The following ZBTB2 variants were observed in gnomAD, a reference collection of about 807,000 sequenced individuals.
ZBTB2 encodes the protein zinc finger and BTB domain-containing protein 2.
Under a neutral mutation model 39.5 loss-of-function variants are expected in ZBTB2, and 2 were observed. The observed-to-expected ratio is 0.05, with a 90% CI of 0.02 to 0.16. The LOEUF (loss-of-function observed/expected upper bound fraction) is 0.16, where lower values mean the gene tolerates loss of function less well. ZBTB2 is among the 10% of genes least tolerant of loss of function. ZBTB2 has a pLI of 1.00. For synonymous variants in ZBTB2, 251 were observed against 256.6 expected (o/e 0.98, Z 0.21); for missense variants, 391 against 653.0 (o/e 0.60, Z 4.37).
intron 2 of ZBTB2, among the ~76,000 whole-genome samples, chr6:151,371,982 C>T (rs537409727): frequency 7.9e-4 from 120 of 152,274 alleles, no homozygotes; most frequent in Non-Finnish European, 1.5e-3. Context: ...AGGAGATACT[C>T]AACTCTAAAT....
In ZBTB2 at chr6:151,365,374, T is replaced by C. The variant is rs1778620868; in HGVS notation, c.*147A>G. 1.0e-5 allele frequency: 9 copies of C among 857,264 alleles called. No individual in the cohort carries two copies. In the East Asian group the frequency reaches 2.4e-4, roughly 22 times the overall value. 53.1% of individuals were successfully genotyped at this position (857,264 alleles called of 1,614,324 possible). A position where few individuals can be genotyped will look rare whatever the true frequency, so the allele number is the denominator to read the frequency against. On this transcript the variant is annotated 3_prime_UTR_variant, in exon 3 of 3. Transcript: ENST00000325144. This position sits in a 1 kb window ranked among gnomAD's most constrained non-coding sequence, Gnocchi z 5.6. ...ATAATGCACAAAGCCTTTACAGAGG[T>C]GGGGCTGGGATGTGGAAAAGGGGAA...
At chr6:151,376,513 T>C (rs955568693) in intron 1 of ZBTB2, among the ~76,000 whole-genome samples, 14 of 151,822 alleles carry the variant, frequency 9.2e-5, no homozygotes, top group Admixed American at 2.6e-4. Flanking sequence ...TAAAAAAAAA[T>C]CAAATCAGAA....
At chr6:151,382,069 G>C (rs1033431274) in intron 1 of ZBTB2, among the ~76,000 whole-genome samples, 37 of 152,098 alleles carry the variant, frequency 2.4e-4, no homozygotes, top group African/African-American at 8.5e-4. Context: ...TACAAACCTG[G>C]ACAGCATGTT....
chr6:151,388,216 C>G (rs1779204593), intron 1 of ZBTB2, among the ~76,000 whole-genome samples: 1 of 152,084 alleles, frequency 6.6e-6, no homozygotes, highest in Admixed American at 6.6e-5. Context: ...AAAAAAATTA[C>G]CAGCAAACCA....
At position 151,379,651 on chromosome 6, in the gene ZBTB2, A is replaced by G. The variant is rs548618005; in HGVS notation, c.-12-6002T>C. Reference sequence around the variant, plus strand: ...AGACCCTGTCTGAAAAAAAAAAAAAAAAAAAAAAAGAAAAAAAGAAATCTA... The same window carrying G: ...AGACCCTGTCTGAAAAAAAAAAAAAGAAAAAAAAAGAAAAAAAGAAATCTA... On this transcript the variant is annotated intron_variant, in intron 1 of 2. Transcript: ENST00000325144. 6.0e-3 allele frequency among the ~76,000 whole-genome samples: 904 copies of G among 151,202 alleles called. 4 individuals are homozygous for G. Among genetic ancestry groups the G allele is most frequent in the Non-Finnish European group, 0.011 (718 of 67,758 alleles).
chr6:151,379,506 G>T (rs931687452), intron 1 of ZBTB2, among the ~76,000 whole-genome samples: 1 of 151,748 alleles, frequency 6.6e-6, no homozygotes, highest in African/African-American at 2.4e-5. Context: ...GCCAGGGATG[G>T]TGGCACACAC....
chr6:151,374,839 G>A (rs146432563), intron 1 of ZBTB2, among the ~76,000 whole-genome samples: 1,944 of 141,494 alleles, frequency 0.014, 38 homozygotes, highest in African/African-American at 0.049. Flanking sequence ...GTTGGCTCAC[G>A]CCTGTAATCC....
intron 2 of ZBTB2, among the ~76,000 whole-genome samples, chr6:151,371,424 G>A (rs541883369): frequency 7.2e-4 from 109 of 152,298 alleles, no homozygotes; most frequent in African/African-American, 2.5e-3. Flanking sequence ...AGCCATAAGC[G>A]AGGACGTGGT....
intron 1 of ZBTB2, among the ~76,000 whole-genome samples, chr6:151,382,982 G>A (rs1012191743): frequency 6.7e-6 from 1 of 149,910 alleles, no homozygotes; most frequent in South Asian, 2.1e-4. Flanking sequence ...CTGGAGTGCA[G>A]TGGTGTGATC....
intron 1 of ZBTB2, among the ~76,000 whole-genome samples, chr6:151,389,485 C>T (rs969902673): frequency 6.6e-6 from 1 of 152,188 alleles, no homozygotes; most frequent in African/African-American, 2.4e-5. Context: ...ACAACTCGCC[C>T]TGGTGCTCCA....
At chr6:151,368,721 T>C (rs1398230118) in intron 2 of ZBTB2, among the ~76,000 whole-genome samples, 2 of 151,488 alleles carry the variant, frequency 1.3e-5, no homozygotes, top group Admixed American at 6.6e-5. Flanking sequence ...CCCAAAGTGA[T>C]GGGATTACAG....
chr6:151,367,878 T>C (rs1318393031), intron 2 of ZBTB2, among the ~76,000 whole-genome samples: 1 of 152,222 alleles, frequency 6.6e-6, no homozygotes, highest in Non-Finnish European at 1.5e-5. Context: ...CAAGCAGTAA[T>C]AATGAAGAGG....
chr6:151,379,963 C>T (rs111593674), intron 1 of ZBTB2, among the ~76,000 whole-genome samples: 162 of 151,926 alleles, frequency 1.1e-3, no homozygotes, highest in African/African-American at 3.3e-3. Flanking sequence ...ATGATAGAAA[C>T]GCTCAATATT....
At position 151,366,730 on chromosome 6, in the gene ZBTB2, G is replaced by A; in HGVS notation, c.336C>T (p.Ser112=). The change falls in exon 3 of 3, where the codon AGC becomes AGT. Residue 112 remains serine (S), a synonymous_variant. Transcript: ENST00000325144. The surrounding 1 kb of genome is among the most constrained non-coding windows in gnomAD (Gnocchi z 7.1). ...LHAYPLIQEA[S]LASQGAFSHP... ...GAGAAAAGGCTCCCTGGCTGGCGAG[G>A]CTGGCTTCCTGAATGAGCGGGTAGG... 1 of 1,614,156 alleles carries A rather than the reference G, an allele frequency of 6.2e-7. No homozygotes were observed. Among genetic ancestry groups the A allele is most frequent in the Non-Finnish European group, 8.5e-7 (1 of 1,180,018 alleles).
At chr6:151,386,766 G>C (rs1160903418) in intron 1 of ZBTB2, among the ~76,000 whole-genome samples, 1 of 152,000 alleles carries the variant, frequency 6.6e-6, no homozygotes, top group African/African-American at 2.4e-5. Flanking sequence ...TTTTGGTGTT[G>C]GGATCCCTTA....
chr6:151,378,584 G>A (rs552408089), intron 1 of ZBTB2, among the ~76,000 whole-genome samples: 1 of 152,118 alleles, frequency 6.6e-6, no homozygotes, highest in Non-Finnish European at 1.5e-5. Flanking sequence ...TGTCTTCAAG[G>A]TTATTCTCCG....
In ZBTB2 at chr6:151,366,625, C is replaced by A; in HGVS notation, c.441G>T (p.Lys147Asn). ...CGAGTTTTTCAGGTGCTGAAGCAAT[C>A]TTGGTGGCTTGTCTCAACTGATGAT... ...IADHQLRQAT[K>N]IASAPEKLGR... is the part of the protein sequence containing the mutation. The change falls in exon 3 of 3, where the codon AAG becomes AAT. Residue 147 changes from lysine (K) to asparagine (N), a missense_variant. Around this residue, in one of 7 missense-constraint regions of ZBTB2, gnomAD observed 175 missense variants for 198.6 expected, o/e 0.88. Transcript: ENST00000325144. The surrounding 1 kb of genome is among the most constrained non-coding windows in gnomAD (Gnocchi z 7.1). The A allele has an allele frequency of 6.2e-7, 1 of 1,614,106 alleles. No individual in the cohort carries two copies. Among genetic ancestry groups the A allele is most frequent in the Non-Finnish European group, 8.5e-7 (1 of 1,180,032 alleles).
intron 1 of ZBTB2, among the ~76,000 whole-genome samples, chr6:151,390,222 G>T (rs1006192552): frequency 6.6e-5 from 10 of 151,694 alleles, no homozygotes; most frequent in Non-Finnish European, 8.8e-5. Flanking sequence ...CGGCGCCACA[G>T]AGGCCGACGC....
intron 1 of ZBTB2, among the ~76,000 whole-genome samples, chr6:151,385,753 T>C (rs3849798): frequency 0.37 from 56,828 of 152,060 alleles, 12,941 homozygotes; most frequent in East Asian, 0.69. Flanking sequence ...GACCACTTAC[T>C]AGGATGAAAA....
Sources: allele counts gnomAD v4.1 joint callset (sites outside exome capture counted in the v4.1 genomes callset), GRCh38; gene constraint gnomAD v4.1.1; regional missense constraint gnomAD v4.1.1; non-coding constraint Gnocchi (gnomAD v3.1); transcripts MANE v1.5; gene names NCBI Gene and HGNC (gene_info 2026-07-23, HGNC 2026-07-21).